Variants in CTNS observed in about 807,000 individuals in gnomAD.
CTNS encodes the protein cystinosin, lysosomal cystine transporter, also known as cystinosin.
CTNS carries 27 observed loss-of-function variants against 43.7 expected under a neutral mutation model. That is an observed-to-expected ratio of 0.62 (90% CI 0.46 to 0.85). CTNS has a LOEUF of 0.85. Ranked by LOEUF, CTNS falls within the 40% of genes least tolerant of loss-of-function variation. CTNS has a pLI of 0.00. For missense variants in CTNS, 457 were observed against 475.4 expected (o/e 0.96, Z 0.36); for synonymous variants, 187 against 190.6 (o/e 0.98, Z 0.16).
intron 5 of CTNS, 45 bp downstream of exon 5, chr17:3,648,976 C>T (rs778319530): frequency 4.8e-6 from 7 of 1,463,538 alleles, no homozygotes; most frequent in South Asian, 1.1e-5. Flanking sequence ...TGCTAGGTAA[C>T]AGAACACATT....
chr17:3,648,172 C>T (rs1214631150), intron 4 of CTNS, among the ~76,000 whole-genome samples: 1 of 152,216 alleles, frequency 6.6e-6, no homozygotes, highest in Non-Finnish European at 1.5e-5. Flanking sequence ...TTCCTCGCCT[C>T]TCCTGCGAGA....
Position 3,659,956 on chromosome 17 carries a change from C to T in CTNS, c.951C>T (p.Phe317=), listed in dbSNP as rs770096901. The part of the protein sequence containing the change: ...TGGSFSLLQM[F]LQSYNNDQWT... ...GCAGCTTCAGCCTCCTGCAGATGTT[C>T]CTCCAGTCCTACAACAACGGTGAGT... Residue 317 remains phenylalanine, a synonymous_variant, in exon 11 of 12, where the codon TTC becomes TTT. Coordinates refer to ENST00000046640, the MANE Select transcript of CTNS (RefSeq NM_004937.3). 9 of 1,613,534 alleles carry T rather than the reference C, an allele frequency of 5.6e-6. No homozygotes were observed. The Admixed American group carries it at 1.3e-4, about 24-fold the overall frequency.
chr17:3,650,306 G>A, intron 5 of CTNS: 1 of 1,549,456 alleles, frequency 6.5e-7, no homozygotes, highest in Non-Finnish European at 8.7e-7. Flanking sequence ...TCCAGCATGT[G>A]GGAACCTGTG....
At chr17:3,654,406 G>A (rs942647854) in intron 5 of CTNS, among the ~76,000 whole-genome samples, 3 of 152,284 alleles carry the variant, frequency 2.0e-5, no homozygotes, top group Admixed American at 2.0e-4. Flanking sequence ...AGGTATGGTG[G>A]CTCATGCCTG....
At position 3,650,045 on chromosome 17, in the gene CTNS, T is replaced by A. The variant is rs1201231670; in HGVS notation, c.225+1114T>A. 5.8e-6 allele frequency: 8 copies of A among 1,374,446 alleles called. No individual in the cohort carries two copies. In the Admixed American group the frequency reaches 2.1e-4, roughly 36 times the overall value. The allele number at this position is 1,374,446 out of a possible 1,614,324, so 85.1% of individuals were successfully genotyped here. The stretch of plus-strand genomic sequence containing the variant: ...GTTCGTAACAACAACAAAAAAAAGA[T>A]AAGTATCTGAGATGATGGATATTAA... On this transcript the variant is annotated intron_variant, in intron 5 of 11. Transcript: ENST00000046640.
At chr17:3,649,720 C>T (rs1041518040) in intron 5 of CTNS, among the ~76,000 whole-genome samples, 1 of 152,050 alleles carries the variant, frequency 6.6e-6, no homozygotes, top group African/African-American at 2.4e-5. Context: ...GATCATTACC[C>T]ATAGCTTTAT....
chr17:3,646,119 C>G (rs867813331), intron 3 of CTNS, among the ~76,000 whole-genome samples: 6 of 152,046 alleles, frequency 3.9e-5, no homozygotes, highest in Non-Finnish European at 8.8e-5. Flanking sequence ...CTGTGTGTAA[C>G]CCTGAAGGCA....
At chr17:3,639,099 G>A (rs2075616493) in intron 2 of CTNS, among the ~76,000 whole-genome samples, 1 of 152,146 alleles carries the variant, frequency 6.6e-6, no homozygotes, top group South Asian at 2.1e-4. Flanking sequence ...AAATCAGAGT[G>A]GGAACAGGGA....
At chr17:3,641,384 ATTTT>A (rs869072123) in intron 3 of CTNS, among the ~76,000 whole-genome samples, 55 of 31,184 alleles carry the variant, frequency 1.8e-3, no homozygotes, top group South Asian at 0.014. Flanking sequence ...ATATATATAT[ATTTT>A]TTTTTTTTTT....
chr17:3,658,075 C>T lies in CTNS; in HGVS notation c.752C>T (p.Thr251Ile). Residue 251 changes from threonine to isoleucine, a missense_variant, in exon 10 of 12, where the codon ACC becomes ATC. Physicochemically the swap from Thr to Ile is moderately conservative, Grantham distance 89. Transcript: ENST00000046640. ...LVLAWLFAFV[T>I]MIVAAVGVTT... ...CTCGCGTGGCTCTTCGCATTTGTCACCATGATCGTGGCTGCAGTGGGAGTG... is the reference window on the plus strand; with the variant it reads ...CTCGCGTGGCTCTTCGCATTTGTCATCATGATCGTGGCTGCAGTGGGAGTG... 6.2e-7 allele frequency: 1 copy of T among 1,612,402 alleles called. No individual in the cohort carries two copies. Among genetic ancestry groups the T allele is most frequent in the African/African-American group, 1.3e-5 (1 of 75,024 alleles).
chr17:3,657,101 AGGG>A (rs1333936742), intron 9 of CTNS, among the ~76,000 whole-genome samples: 2 of 150,920 alleles, frequency 1.3e-5, no homozygotes, highest in Non-Finnish European at 3.0e-5. Context: ...AGGGCACAGA[AGGG>A]AGGAGGGAGG....
intron 3 of CTNS, among the ~76,000 whole-genome samples, chr17:3,641,890 GAAA>G: frequency 3.3e-5 from 5 of 152,150 alleles, no homozygotes; most frequent in Non-Finnish European, 4.4e-5. Context: ...CAATTTCCGG[GAAA>G]GGCAGGTCTT....
rs2150907083 is a variant in CTNS at position 3,648,925 on chromosome 17, C to T, written c.219C>T (p.Pro73=). 1 of 1,609,898 alleles carries T rather than the reference C, an allele frequency of 6.2e-7. No homozygotes were observed. The highest frequency in any genetic ancestry group is 8.5e-7 in the Non-Finnish European group (1 of 1,176,192). Residue 73 remains proline (P), a synonymous_variant, in exon 5 of 12, where the codon CCC becomes CCT. Coordinates refer to ENST00000046640, the MANE Select transcript of CTNS (RefSeq NM_004937.3). Reference sequence around the variant, plus strand: ...AAAATATTACTATCCTTGAGCTCCCCGATGAAGTAAGTAACCAATCTTAAC... The same window carrying T: ...AAAATATTACTATCCTTGAGCTCCCTGATGAAGTAAGTAACCAATCTTAAC... ...RSKNITILEL[P]DEVVVPPGVT...
chr17:3,639,198 C>T (rs1251658504), intron 2 of CTNS, among the ~76,000 whole-genome samples: 2 of 152,152 alleles, frequency 1.3e-5, no homozygotes, highest in Non-Finnish European at 2.9e-5. Flanking sequence ...GACCAAGCTA[C>T]AGAAATCCAT....
intron 5 of CTNS, among the ~76,000 whole-genome samples, chr17:3,653,394 AGAGT>A (rs1453826575): frequency 1.3e-5 from 2 of 152,194 alleles, no homozygotes; most frequent in African/African-American, 4.8e-5. Flanking sequence ...GACTGGCAAC[AGAGT>A]GAGATTCCAT....
rs754433265 is a variant in CTNS at position 3,655,345 on chromosome 17, C to T, written c.454C>T (p.Arg152Trp). 8.7e-6 allele frequency: 14 copies of T among 1,613,936 alleles called. No homozygotes were observed. Among genetic ancestry groups the T allele is most frequent in the Admixed American group, 1.7e-5 (1 of 59,996 alleles). Residue 152 changes from arginine to tryptophan, a missense_variant, in exon 7 of 12, where the codon CGG (arginine) becomes TGG (tryptophan). Transcript: ENST00000046640. Reference sequence around the variant, plus strand: ...CCCTCAGGTGATCATGAATTGGAGGCGGAAAAGGTAACCCCCTGGGCCGTA... The same window carrying T: ...CCCTCAGGTGATCATGAATTGGAGGTGGAAAAGGTAACCCCCTGGGCCGTA... ...FYPQVIMNWR[R>W]KSVIGLSFDF...
intron 4 of CTNS, among the ~76,000 whole-genome samples, chr17:3,648,612 C>G (rs1339733177): frequency 3.3e-5 from 5 of 152,242 alleles, no homozygotes; most frequent in Non-Finnish European, 7.3e-5. Context: ...TCACACCCAC[C>G]TTGCTTTCTT....
At chr17:3,640,297 T>C in intron 3 of CTNS, 30 bp downstream of exon 3, 1 of 1,600,994 alleles carries the variant, frequency 6.2e-7, no homozygotes, top group Non-Finnish European at 8.6e-7. Context: ...GTCAACTTTG[T>C]AAAGAGGGAA....
chr17:3,642,535 A>G (rs947904065), intron 3 of CTNS, among the ~76,000 whole-genome samples: 1 of 152,036 alleles, frequency 6.6e-6, no homozygotes, highest in African/African-American at 2.4e-5. Flanking sequence ...TAAAAATACA[A>G]AATTAGCTGG....
Sources: allele counts gnomAD v4.1 joint callset (sites outside exome capture counted in the v4.1 genomes callset), GRCh38; gene constraint gnomAD v4.1.1; transcripts MANE v1.5; gene names NCBI Gene and HGNC (gene_info 2026-07-23, HGNC 2026-07-21).